The following TRPM6 variants were observed in gnomAD, a reference collection of about 807,000 sequenced individuals.
TRPM6 encodes channel kinase 2.
TRPM6 carries 111 observed loss-of-function variants against 247.6 expected under a neutral mutation model. That is an observed-to-expected ratio of 0.45 (90% confidence interval 0.38 to 0.52). The LOEUF (loss-of-function observed/expected upper bound fraction) is 0.52. Among genes scored for constraint, TRPM6 ranks in the 20% least tolerant of loss-of-function variants. The pLI is 0.00. For missense variants in TRPM6, 2,126 were observed against 2,421.5 expected, an observed-to-expected ratio of 0.88 and a Z score of 2.56; for synonymous variants, 892 against 853.8, an observed-to-expected ratio of 1.04 and a Z score of -0.78.
At chr9:74,732,488 A>T (rs916761600) in intron 37 of TRPM6, among the ~76,000 whole-genome samples, 197 bp downstream of exon 37, 3 of 152,314 alleles carry the variant, frequency 2.0e-5, no homozygotes, top group Admixed American at 2.0e-4. Context: ...ATATCATTTT[A>T]CATATTTCCA....
At chr9:74,850,872 T>C (rs1262100184) in intron 3 of TRPM6, among the ~76,000 whole-genome samples, 8 of 152,216 alleles carry the variant, frequency 5.3e-5, no homozygotes, top group African/African-American at 1.2e-4. Flanking sequence ...TGTCATCTGA[T>C]CATCTTTTGG....
rs186930456 is a variant in TRPM6 at position 74,796,706 on chromosome 9, A to G, written c.2391+35T>C. The G allele has an allele frequency of 1.5e-3, 2,482 of 1,610,688 alleles. 2 individuals carry two copies. Among genetic ancestry groups the G allele is most frequent in the Admixed American group, 2.3e-3 (138 of 60,006 alleles). On this transcript the variant is annotated intron_variant, in intron 18 of 38. Transcript: ENST00000360774. ...GTGTATATTTGCGTGCAGTCAATACAATGAAAATTCAGTTCATTATGATTT... is the reference window on the plus strand; with the variant it reads ...GTGTATATTTGCGTGCAGTCAATACGATGAAAATTCAGTTCATTATGATTT...
At chr9:74,819,182 ACCT>A (rs1189571835) in intron 9 of TRPM6, among the ~76,000 whole-genome samples, 15 of 152,074 alleles carry the variant, frequency 9.9e-5, no homozygotes, top group South Asian at 6.2e-4. Flanking sequence ...GGTGGCATGC[ACCT>A]GTAGTCCAAG....
chr9:74,846,750 T>C (rs1009989674), intron 3 of TRPM6, among the ~76,000 whole-genome samples: 1 of 152,210 alleles, frequency 6.6e-6, no homozygotes, highest in South Asian at 2.1e-4. Context: ...GGTTTCACCA[T>C]GTTGCCCAGG....
At chr9:74,853,194 G>T (rs1830409117) in intron 3 of TRPM6, among the ~76,000 whole-genome samples, 1 of 152,010 alleles carries the variant, frequency 6.6e-6, no homozygotes, top group South Asian at 2.1e-4. Context: ...CGTCTGAGAA[G>T]TGAGAAGCCC....
chr9:74,877,650 TG>T (rs1220917296), intron 1 of TRPM6, among the ~76,000 whole-genome samples: 1 of 152,074 alleles, frequency 6.6e-6, no homozygotes, highest in African/African-American at 2.4e-5. Flanking sequence ...GGCCAAACCA[TG>T]AGCCATTGGC....
intron 4 of TRPM6, among the ~76,000 whole-genome samples, chr9:74,841,379 T>C (rs1391619196): frequency 6.6e-6 from 1 of 152,094 alleles, no homozygotes; most frequent in African/African-American, 2.4e-5. Flanking sequence ...GTAAGGACAA[T>C]AAGAAACCAT....
chr9:74,882,078 G>C (rs1362619711), intron 1 of TRPM6, among the ~76,000 whole-genome samples: 4 of 152,108 alleles, frequency 2.6e-5, no homozygotes, highest in African/African-American at 9.7e-5. Context: ...ATAAATGCAA[G>C]ACTTCAACTA....
Position 74,832,908 on chromosome 9 carries a change from G to A in TRPM6, c.669+1090C>T, listed in dbSNP as rs190818394. ...TCTACTAAAAATACAAAAATTTGCC[G>A]GGCCTGGTGGTGGGTGCCTGTAATC... On this transcript the variant is annotated intron_variant, in intron 6 of 38. Transcript: ENST00000360774. Among the ~76,000 whole-genome samples the A allele has an allele frequency of 1.0e-3, 153 of 152,060 alleles. 1 individual carries two copies. The highest frequency in any genetic ancestry group is 3.2e-3 in the African/African-American group (132 of 41,494).
intron 25 of TRPM6, among the ~76,000 whole-genome samples, chr9:74,766,251 T>A (rs1042451614): frequency 1.3e-5 from 2 of 152,280 alleles, no homozygotes; most frequent in Non-Finnish European, 2.9e-5. Flanking sequence ...CCCTTGCTTT[T>A]ATAGACTTAT....
intron 24 of TRPM6, 145 bp downstream of exon 24, chr9:74,775,738 A>C: frequency 3.6e-6 from 3 of 844,186 alleles, no homozygotes; most frequent in Non-Finnish European, 6.0e-6. Context: ...ATTTACTCAG[A>C]CCCAGAGCAT....
At position 74,827,962 on chromosome 9, in the gene TRPM6, A is replaced by C; in HGVS notation, c.670-13T>G. On this transcript the variant is annotated splice_polypyrimidine_tract_variant and intron_variant, in intron 6 of 38. Coordinates refer to ENST00000360774, the MANE Select transcript of TRPM6 (RefSeq NM_017662.5). ...ACAGGCACACCACCTGAGAGACAGC[A>C]AGGACAAGGGAGGGTCAGAGCTCTA... is the stretch of plus-strand genomic sequence containing the variant. 6.2e-7 allele frequency: 1 copy of C among 1,613,748 alleles called. No homozygotes were observed. Among genetic ancestry groups the C allele is most frequent in the Non-Finnish European group, 8.5e-7 (1 of 1,179,742 alleles).
intron 18 of TRPM6, among the ~76,000 whole-genome samples, chr9:74,796,413 T>C (rs1392139671): frequency 6.6e-6 from 1 of 152,212 alleles, no homozygotes; most frequent in Non-Finnish European, 1.5e-5. Context: ...TAAATTGGTA[T>C]ATGGCTATGT....
chr9:74,744,836 C>T (rs1017599767), intron 31 of TRPM6, among the ~76,000 whole-genome samples: 6 of 152,128 alleles, frequency 3.9e-5, no homozygotes, highest in African/African-American at 1.4e-4. Context: ...TTTTATACCT[C>T]GCAGAGTAAG....
intron 25 of TRPM6, among the ~76,000 whole-genome samples, chr9:74,769,227 C>T (rs1198364450): frequency 1.3e-5 from 2 of 152,140 alleles, no homozygotes; most frequent in Admixed American, 6.5e-5. Flanking sequence ...CTCACTGCAA[C>T]CTCTGCCTCC....
At chr9:74,864,551 T>C (rs904513212) in intron 1 of TRPM6, among the ~76,000 whole-genome samples, 4 of 152,204 alleles carry the variant, frequency 2.6e-5, no homozygotes, top group African/African-American at 9.7e-5. Flanking sequence ...TTCCACTAAA[T>C]AGTCTGTCCA....
At chr9:74,739,477 T>C in intron 34 of TRPM6, 28 bp from the exon 35 acceptor site, 3 of 1,594,506 alleles carry the variant, frequency 1.9e-6, no homozygotes, top group Non-Finnish European at 2.6e-6. Flanking sequence ...CTGATAAAAA[T>C]ACTGATTTAC....
intron 29 of TRPM6, among the ~76,000 whole-genome samples, chr9:74,751,139 A>C (rs1826229797): frequency 6.6e-6 from 1 of 152,224 alleles, no homozygotes; most frequent in Admixed American, 6.5e-5. Flanking sequence ...GTCTTATGAA[A>C]AGATTCTCAT....
chr9:74,745,450 T>A (rs1826008998), intron 31 of TRPM6, among the ~76,000 whole-genome samples: 1 of 150,632 alleles, frequency 6.6e-6, no homozygotes, highest in African/African-American at 2.5e-5. Flanking sequence ...TAGTATAGTG[T>A]GTGTGTGTGT....
Sources: gnomAD v4.1 joint callset for allele counts (sites outside exome capture counted in the v4.1 genomes callset) on GRCh38, gnomAD v4.1.1 for gene constraint, MANE v1.5 for transcripts, NCBI Gene and HGNC (gene_info 2026-07-23, HGNC 2026-07-21) for gene names.